The following LHX6 variants were observed in gnomAD, a reference collection of about 807,000 sequenced individuals.
LHX6 encodes LIM homeobox 6.
LHX6 carries 15 observed loss-of-function variants against 47.1 expected under a neutral mutation model. That is an observed-to-expected ratio of 0.32 (90% CI 0.21 to 0.49). The LOEUF (loss-of-function observed/expected upper bound fraction) is 0.49, where lower values mean the gene tolerates loss of function less well. LHX6 is among the 20% of genes least tolerant of loss of function. The pLI, the probability that LHX6 is intolerant of heterozygous loss-of-function variation, is 0.99. For synonymous variants in LHX6, 242 were observed against 233.5 expected, an observed-to-expected ratio of 1.04 and a Z score of -0.33; for missense variants, 404 against 539.6, an observed-to-expected ratio of 0.75 and a Z score of 2.49.
rs779624983 is a variant in LHX6 at position 122,217,312 on chromosome 9, G to T, written c.462-24C>A. 9.5e-6 allele frequency: 15 copies of T among 1,584,992 alleles called. No individual in the cohort carries two copies. Among genetic ancestry groups the T allele is most frequent in the Non-Finnish European group, 1.3e-5 (15 of 1,166,850 alleles). ...GGCTGCAGGTCGAGAGGACAGGCAC[G>T]GGGTGTCGAGACTCAGACAGGCCAA... is the stretch of plus-strand genomic sequence containing the variant. On this transcript the variant is annotated intron_variant, in intron 4 of 9. Coordinates refer to ENST00000394319, the MANE Select transcript of LHX6 (RefSeq NM_014368.5). This position sits in a 1 kb window ranked among gnomAD's most constrained non-coding sequence, Gnocchi z 4.9.
chr9:122,228,538 C>G, intron 1 of LHX6, 119 bp downstream of exon 1: 1 of 1,351,248 alleles, frequency 7.4e-7, no homozygotes, highest in Non-Finnish European at 9.6e-7. Context: ...CACACACTCA[C>G]AGGCGCACCC....
intron 4 of LHX6, chr9:122,221,302 C>T (rs1225686323): frequency 1.0e-6 from 1 of 985,414 alleles, no homozygotes; most frequent in African/African-American, 1.7e-5. Context: ...GGCTCCTCCC[C>T]CAGCTCCCCT....
chr9:122,223,583 G>A (rs1556214), intron 4 of LHX6, among the ~76,000 whole-genome samples: 5,821 of 152,234 alleles, frequency 0.038, 396 homozygotes, highest in African/African-American at 0.13. Flanking sequence ...GGCGAACTAA[G>A]GGCCGAGAGA....
rs1831049135 is a variant in LHX6, at chr9:122,225,318, C to G, written c.461+1058G>C. Among the ~76,000 whole-genome samples, 3 of 152,368 alleles carry G rather than the reference C, an allele frequency of 2.0e-5. No individual in the cohort carries two copies. The South Asian group carries it at 6.2e-4, about 32-fold the overall frequency. ...CAAGCATCCCTCTCAGGAAGTGATT[C>G]TCCACCATTCTCCTCTGATCCTATA... On this transcript the variant is annotated intron_variant, in intron 4 of 9. Coordinates refer to ENST00000394319, the MANE Select transcript of LHX6 (RefSeq NM_014368.5).
In LHX6 at chr9:122,217,053, G is replaced by A. The variant is rs751846343; in HGVS notation, c.682+15C>T. On this transcript the variant is annotated intron_variant, in intron 5 of 9. Coordinates refer to ENST00000394319, the MANE Select transcript of LHX6 (RefSeq NM_014368.5). The surrounding 1 kb of genome is among the most constrained non-coding windows in gnomAD (Gnocchi z 4.9). ...GGGCTGGGGGCAGAGGTGCCAGGCG[G>A]AGCAGGTTGGGTACCGTTCTCGGCG... 12 of 1,610,314 alleles carry A rather than the reference G, an allele frequency of 7.5e-6. No individual in the cohort carries two copies. In the South Asian group the frequency reaches 9.9e-5, roughly 13 times the overall value.
chr9:122,227,086 T>A (rs1831134887), intron 2 of LHX6, 56 bp from the exon 3 acceptor site: 1 of 1,428,186 alleles, frequency 7.0e-7, no homozygotes, highest in Non-Finnish European at 9.2e-7. Context: ...GAGTTGGGGC[T>A]GCCTTGGAGA....
In LHX6 at chr9:122,226,489, G is replaced by T. The variant is rs774057122; in HGVS notation, c.348C>A (p.Asn116Lys). The change falls in exon 4 of 10, where the codon AAC becomes AAA. Residue 116 changes from asparagine to lysine, a missense_variant. Around this residue, in one of 7 missense-constraint regions of LHX6, gnomAD observed 53 missense variants for 97.4 expected, o/e 0.54. Coordinates refer to ENST00000394319, the MANE Select transcript of LHX6 (RefSeq NM_014368.5). The surrounding 1 kb of genome is among the most constrained non-coding windows in gnomAD (Gnocchi z 6.5). The stretch of plus-strand genomic sequence containing the variant: ...CGAGGCACCGCACGTGCCAGATGAG[G>T]TTGTTGACCTGGGGACGGGGCGGGG... ...ILDRYLLKVN[N>K]LIWHVRCLEC... is the part of the protein sequence containing the mutation. The T allele has an allele frequency of 5.0e-6, 8 of 1,613,160 alleles. No homozygotes were observed. Among genetic ancestry groups the T allele is most frequent in the Non-Finnish European group, 6.8e-6 (8 of 1,179,808 alleles).
At chr9:122,223,819 C>G (rs1830976642) in intron 4 of LHX6, among the ~76,000 whole-genome samples, 1 of 152,114 alleles carries the variant, frequency 6.6e-6, no homozygotes, top group Admixed American at 6.6e-5. Context: ...TGGGCTAGGG[C>G]TGGAGAAGTA....
intron 4 of LHX6, chr9:122,221,351 C>CT: frequency 1.0e-6 from 1 of 985,654 alleles, no homozygotes. Context: ...CAGCTGGCCG[C>CT]CGCTGGGCCG....
chr9:122,206,294 C>A (rs1830177784), intron 9 of LHX6, among the ~76,000 whole-genome samples: 1 of 152,118 alleles, frequency 6.6e-6, no homozygotes, highest in South Asian at 2.1e-4. Flanking sequence ...AGGGGCCAGC[C>A]CCATGGGGAC....
intron 4 of LHX6, among the ~76,000 whole-genome samples, chr9:122,220,133 C>T (rs1421099199): frequency 1.3e-5 from 2 of 152,234 alleles, no homozygotes; most frequent in African/African-American, 4.8e-5. Flanking sequence ...CCGCGAGTCC[C>T]CGACGCCCGA....
chr9:122,228,489 C>CG (rs984619150), intron 1 of LHX6, 168 bp downstream of exon 1: 1 of 1,327,452 alleles, frequency 7.5e-7, no homozygotes, highest in Middle Eastern at 2.2e-4. Context: ...TTCCGCGACC[C>CG]CCCCCCCCCG....
chr9:122,220,334 C>T (rs1297175109), intron 4 of LHX6, among the ~76,000 whole-genome samples: 2 of 152,196 alleles, frequency 1.3e-5, no homozygotes, highest in African/African-American at 2.4e-5. Flanking sequence ...ATCGTCCTCG[C>T]GCCAGATCCT....
Position 122,226,566 on chromosome 9 carries a change from G to C in LHX6, c.340-69C>G. 6.4e-7 allele frequency: 1 copy of C among 1,569,518 alleles called. No individual in the cohort carries two copies. The highest frequency in any genetic ancestry group is 8.6e-7 in the Non-Finnish European group (1 of 1,164,868). ...TTTCACTCCGGGCCCCAGCCTTCCC[G>C]GTCTCATTTACAGTCAGAGGCGCTG... On this transcript the variant is annotated intron_variant, in intron 3 of 9. Transcript: ENST00000394319. This position sits in a 1 kb window ranked among gnomAD's most constrained non-coding sequence, Gnocchi z 6.5.
At position 122,226,628 on chromosome 9, in the gene LHX6, C is replaced by G. The variant is rs189936675; in HGVS notation, c.340-131G>C. ...GTGCATGCGATTCCCCTATTTTTCT[C>G]CCGTAATACTGAGACTCAGGGAAAT... On this transcript the variant is annotated intron_variant, in intron 3 of 9. Coordinates refer to ENST00000394319, the MANE Select transcript of LHX6 (RefSeq NM_014368.5). This position sits in a 1 kb window ranked among gnomAD's most constrained non-coding sequence, Gnocchi z 6.5. 2.2e-3 allele frequency: 3,056 copies of G among 1,369,394 alleles called. 7 individuals carry two copies. Among genetic ancestry groups the G allele is most frequent in the Non-Finnish European group, 2.8e-3 (2,827 of 1,011,526 alleles). The allele number at this position is 1,369,394 out of a possible 1,614,324, so 84.8% of individuals were successfully genotyped here.
intron 5 of LHX6, 134 bp downstream of exon 5, chr9:122,216,934 C>A: frequency 1.4e-6 from 1 of 722,092 alleles, no homozygotes; most frequent in Non-Finnish European, 2.3e-6. Flanking sequence ...CGCCGCCCCA[C>A]CCCTACGCTG....
At position 122,227,472 on chromosome 9, in the gene LHX6, G is replaced by T. The variant is rs752172261; in HGVS notation, c.93C>A (p.Ala31=). Residue 31 remains alanine (A), a synonymous_variant, in exon 2 of 10, where the codon GCC becomes GCA. Transcript: ENST00000394319. Reference sequence around the variant, plus strand: ...TCGCTTTGCAGCCGGACCCTGGCTGGGCCATCACCTGGGGGAGGGGGGGAG... The same window carrying T: ...TCGCTTTGCAGCCGGACCCTGGCTGTGCCATCACCTGGGGGAGGGGGGGAG... ...EGGPATDQVM[A]QPGSGCKATT... The T allele has an allele frequency of 5.7e-6, 8 of 1,404,092 alleles. 1 individual carries two copies. In the South Asian group the frequency reaches 9.8e-5, roughly 17 times the overall value. The allele number at this position is 1,404,092 out of a possible 1,614,324, so 87.0% of individuals were successfully genotyped here. A position where few individuals can be genotyped will look rare whatever the true frequency, so the allele number is the denominator to read the frequency against.
intron 1 of LHX6, 166 bp from the exon 2 acceptor site, chr9:122,227,646 CTAA>C: frequency 7.5e-7 from 1 of 1,327,814 alleles, no homozygotes; most frequent in South Asian, 1.9e-5. Context: ...CGGTGTCTCT[CTAA>C]TGAAGCAATT....
rs1397279760 is a variant in LHX6, at chr9:122,226,106, C to T, written c.461+270G>A. 6.6e-6 allele frequency among the ~76,000 whole-genome samples: 1 copy of T among 152,180 alleles called. No individual in the cohort carries two copies. Among genetic ancestry groups the T allele is most frequent in the Non-Finnish European group, 1.5e-5 (1 of 68,028 alleles). On this transcript the variant is annotated intron_variant, in intron 4 of 9. Transcript: ENST00000394319. This position sits in a 1 kb window ranked among gnomAD's most constrained non-coding sequence, Gnocchi z 6.5. Reference sequence around the variant, plus strand: ...CTGAAGCCTGAGACTTAGGCAGGACCCGAGACAGAGCCAGAGACGATACCG... The same window carrying T: ...CTGAAGCCTGAGACTTAGGCAGGACTCGAGACAGAGCCAGAGACGATACCG...
Sources: gnomAD v4.1 joint callset for allele counts (sites outside exome capture counted in the v4.1 genomes callset) on GRCh38, gnomAD v4.1.1 for gene constraint, gnomAD v4.1.1 regional missense constraint, Gnocchi (gnomAD v3.1) non-coding constraint, MANE v1.5 for transcripts, NCBI Gene and HGNC (gene_info 2026-07-23, HGNC 2026-07-21) for gene names.